The following VWA8 variants were observed in gnomAD, a reference collection of about 807,000 sequenced individuals.
VWA8 encodes von Willebrand factor A domain containing 8, also known as von Willebrand factor A domain-containing protein 8.
VWA8 carries 221 observed loss-of-function variants against 241.5 expected under a neutral mutation model. That is an observed-to-expected ratio of 0.91 (90% CI 0.82 to 1.02). The LOEUF (loss-of-function observed/expected upper bound fraction) is 1.02, where lower values mean the gene tolerates loss of function less well. Ranked by LOEUF, VWA8 falls within the 50% of genes least tolerant of loss-of-function variation. The pLI is 0.00. For synonymous variants in VWA8, 852 were observed against 827.1 expected (o/e 1.03, Z -0.52); for missense variants, 2,322 against 2,328.7 (o/e 1.00, Z 0.06).
intron 20 of VWA8, among the ~76,000 whole-genome samples, chr13:41,762,952 G>T (rs1404422150): frequency 6.6e-6 from 1 of 151,924 alleles, no homozygotes; most frequent in Non-Finnish European, 1.5e-5. Context: ...ATGTTAATAA[G>T]GATGCTGAAA....
chr13:41,954,000 CAG>C (rs1168912394), intron 1 of VWA8, among the ~76,000 whole-genome samples: 2 of 152,090 alleles, frequency 1.3e-5, no homozygotes, highest in African/African-American at 2.4e-5. Flanking sequence ...CATTGGGAAA[CAG>C]GGTGGTGATC....
At chr13:41,741,531 T>C (rs1004378540) in intron 21 of VWA8, among the ~76,000 whole-genome samples, 2 of 152,156 alleles carry the variant, frequency 1.3e-5, no homozygotes, top group Non-Finnish European at 2.9e-5. Context: ...GTTAAGAAAC[T>C]TTTCAGTTGT....
chr13:41,695,675 T>C (rs902542571), intron 29 of VWA8, among the ~76,000 whole-genome samples: 6 of 152,116 alleles, frequency 3.9e-5, no homozygotes, highest in African/African-American at 1.4e-4. Context: ...AGATAAGGTG[T>C]GCAGGTCTGC....
intron 20 of VWA8, among the ~76,000 whole-genome samples, chr13:41,770,026 A>G (rs1038348118): frequency 6.6e-6 from 1 of 152,236 alleles, no homozygotes; most frequent in Non-Finnish European, 1.5e-5. Context: ...AGCCTCATAG[A>G]AGAAAAACAT....
intron 43 of VWA8, among the ~76,000 whole-genome samples, chr13:41,571,519 T>G (rs529572048): frequency 6.6e-6 from 1 of 152,264 alleles, no homozygotes; most frequent in South Asian, 2.1e-4. Flanking sequence ...TGACTGGTTT[T>G]TGCATTTTTT....
At chr13:41,590,858 G>T in intron 40 of VWA8, 93 bp from the exon 41 acceptor site, 2 of 1,493,804 alleles carry the variant, frequency 1.3e-6, no homozygotes, top group Non-Finnish European at 9.2e-7. Context: ...ACACACCTGG[G>T]ATCTTTTCAG....
At chr13:41,571,994 G>A (rs1487746589) in intron 43 of VWA8, among the ~76,000 whole-genome samples, 5 of 151,892 alleles carry the variant, frequency 3.3e-5, no homozygotes, top group East Asian at 1.9e-4. Context: ...CCTCTGCCCG[G>A]TGGCGACCCC....
chr13:41,587,532 T>C lies in VWA8; in HGVS notation c.5251A>G (p.Asn1751Asp). Residue 1751 changes from asparagine to aspartate, a missense_variant, in exon 42 of 45, where the codon AAC becomes GAC. Asn to Asp is a conservative substitution (Grantham distance 23). Transcript: ENST00000379310. ...ATTACCTGGAACTTCTCCTCATAGT[T>C]CTCGAAGGCTTCCATGACCATACAC... ...AVCMVMEAFE[N>D]YEEKFQYDIV... 1 of 1,614,104 alleles carries C rather than the reference T, an allele frequency of 6.2e-7. No individual in the cohort carries two copies. The highest frequency in any genetic ancestry group is 8.5e-7 in the Non-Finnish European group (1 of 1,180,008).
rs1252294600 is a variant in VWA8, at chr13:41,719,696, T to A, written c.3011A>T (p.Asp1004Val). The change falls in exon 26 of 45, where the codon GAC (aspartate) becomes GTC (valine). Residue 1004 changes from aspartate to valine, a missense_variant. Asp to Val is a radical substitution (Grantham distance 152). Coordinates refer to ENST00000379310, the MANE Select transcript of VWA8 (RefSeq NM_015058.2). ...GLSSVVRNVF[D>V]FDSYNNDMRE... ...CATGTCATTGTTGTAGGAATCAAAG[T>A]CAAACACATTTCGAACTACACTGGA... 1 of 1,612,946 alleles carries A rather than the reference T, an allele frequency of 6.2e-7. No individual in the cohort carries two copies. The highest frequency in any genetic ancestry group is 8.5e-7 in the Non-Finnish European group (1 of 1,179,468).
At chr13:41,822,980 G>A (rs1593795215) in intron 14 of VWA8, among the ~76,000 whole-genome samples, 1 of 152,208 alleles carries the variant, frequency 6.6e-6, no homozygotes, top group South Asian at 2.1e-4. Context: ...GGGATGACAA[G>A]GCAAAGGGTT....
At position 41,933,048 on chromosome 13, in the gene VWA8, C is replaced by T. The variant is rs114498584; in HGVS notation, c.241+16888G>A. 6.3e-3 allele frequency among the ~76,000 whole-genome samples: 956 copies of T among 151,996 alleles called. 6 individuals carry two copies. Among genetic ancestry groups the T allele is most frequent in the African/African-American group, 0.022 (908 of 41,524 alleles). Reference sequence around the variant, plus strand: ...CCAGATTGGAAAGGAAAAAGTAGAGCTGTCTTTATTTATGGACATGATTGT... The same window carrying T: ...CCAGATTGGAAAGGAAAAAGTAGAGTTGTCTTTATTTATGGACATGATTGT... On this transcript the variant is annotated intron_variant, in intron 2 of 44. Transcript: ENST00000379310.
chr13:41,811,394 C>G, intron 16 of VWA8, 54 bp from the exon 17 acceptor site: 1 of 1,420,188 alleles, frequency 7.0e-7, no homozygotes, highest in East Asian at 2.3e-5. Context: ...TTGCTAAAGT[C>G]CCTTTAGATG....
At position 41,689,430 on chromosome 13, in the gene VWA8, T is replaced by A; in HGVS notation, c.4055A>T (p.Lys1352Met). ...SEHLSSAVEQ[K>M]IASPNRILSD... ...GAGAATTCTGTTGGGAGAGGCAATC[T>A]TTTGTTCCACAGCTGAACTTAGATG... Residue 1352 changes from lysine to methionine, a missense_variant, in exon 34 of 45, where the codon AAG (lysine) becomes ATG (methionine). Lys to Met is a moderately conservative substitution (Grantham distance 95). Coordinates refer to ENST00000379310, the MANE Select transcript of VWA8 (RefSeq NM_015058.2). 2 of 1,612,168 alleles carry A rather than the reference T, an allele frequency of 1.2e-6. No homozygotes were observed. The highest frequency in any genetic ancestry group is 1.7e-6 in the Non-Finnish European group (2 of 1,179,150).
At chr13:41,573,486 A>AAATAAATAAATAAATATATATATATATAT in intron 43 of VWA8, among the ~76,000 whole-genome samples, 8 of 113,614 alleles carry the variant, frequency 7.0e-5, no homozygotes, top group African/African-American at 2.7e-4. Context: ...AAAAAAAAAA[A>AAATAAATAAATAAATATATATATATATAT]ATATATATAT....
At chr13:41,929,498 G>A (rs1453337667) in intron 2 of VWA8, among the ~76,000 whole-genome samples, 2 of 152,072 alleles carry the variant, frequency 1.3e-5, no homozygotes, top group African/African-American at 4.8e-5. Context: ...ACTTACCCCA[G>A]AAATATGTGC....
At chr13:41,761,097 T>G in intron 21 of VWA8, 31 bp downstream of exon 21, 1 of 1,591,958 alleles carries the variant, frequency 6.3e-7, no homozygotes, top group Non-Finnish European at 8.6e-7. Context: ...TAAATGAGAT[T>G]TTTAAGAGGT....
chr13:41,804,891 C>A lies in VWA8; in HGVS notation c.2063+6334G>T, dbSNP rs144425773. Among the ~76,000 whole-genome samples the A allele has an allele frequency of 9.1e-4, 138 of 152,112 alleles. 1 individual carries two copies. The highest frequency in any genetic ancestry group is 3.1e-3 in the African/African-American group (129 of 41,496). ...GCATTATATGCAAGCCTCATGGTAA[C>A]CTCGAACCAAAAAATCCAAATATAC... On this transcript the variant is annotated intron_variant, in intron 17 of 44. Coordinates refer to ENST00000379310, the MANE Select transcript of VWA8 (RefSeq NM_015058.2).
intron 4 of VWA8, among the ~76,000 whole-genome samples, chr13:41,905,532 G>T (rs568474555): frequency 5.3e-5 from 8 of 151,914 alleles, no homozygotes; most frequent in Admixed American, 1.3e-4. Flanking sequence ...TAAGAACTTT[G>T]AATCTAAAAG....
chr13:41,820,691 C>A (rs1029063956), intron 14 of VWA8, among the ~76,000 whole-genome samples: 2 of 152,124 alleles, frequency 1.3e-5, no homozygotes, highest in Non-Finnish European at 2.9e-5. Context: ...GGAAGGATAA[C>A]AACATGGACA....
Sources: gnomAD v4.1 joint callset for allele counts (sites outside exome capture counted in the v4.1 genomes callset) on GRCh38, gnomAD v4.1.1 for gene constraint, MANE v1.5 for transcripts, NCBI Gene and HGNC (gene_info 2026-07-23, HGNC 2026-07-21) for gene names.